Variants in MIPOL1 observed in about 807,000 individuals in gnomAD.
The protein encoded by MIPOL1 is mirror-image polydactyly gene 1 protein.
In MIPOL1, 57 loss-of-function variants were observed where a neutral mutation model predicts 60.9. The ratio of observed to expected loss-of-function variants is 0.94; its 90% CI spans 0.76 to 1.17. The LOEUF is 1.17. Among genes scored for constraint, MIPOL1 ranks in the 50% most tolerant of loss-of-function variants. The pLI, the probability that MIPOL1 is intolerant of heterozygous loss-of-function variation, is 0.00. For synonymous variants in MIPOL1, 179 were observed against 168.8 expected, an observed-to-expected ratio of 1.06 and a Z score of -0.47; for missense variants, 551 against 511.6, an observed-to-expected ratio of 1.08 and a Z score of -0.74.
intron 11 of MIPOL1, among the ~76,000 whole-genome samples, chr14:37,454,182 C>A (rs185252319): frequency 1.1e-3 from 167 of 152,316 alleles, no homozygotes; most frequent in Middle Eastern, 3.4e-3. Context: ...TATACTAGCT[C>A]TGCTCATGAC....
In MIPOL1 at chr14:37,404,786, T is replaced by A. The variant is rs146743923; in HGVS notation, c.937-18069T>A. On this transcript the variant is annotated intron_variant, in intron 10 of 12. Transcript: ENST00000684589. ...TAATTACTGCAGAGCAGCTGGCTGT[T>A]GGTTTTAGGGAGCATCAATTGTTCT... Among the ~76,000 whole-genome samples the A allele has an allele frequency of 5.8e-3, 884 of 152,266 alleles. 10 individuals are homozygous for A. Among genetic ancestry groups the A allele is most frequent in the African/African-American group, 0.02 (850 of 41,560 alleles).
chr14:37,293,926 T>A (rs2085347069), intron 7 of MIPOL1, among the ~76,000 whole-genome samples: 1 of 152,208 alleles, frequency 6.6e-6, no homozygotes, highest in Non-Finnish European at 1.5e-5. Context: ...CTCTGCAGAC[T>A]TTGAAGAGTC....
At chr14:37,323,339 A>C (rs1013388015) in intron 9 of MIPOL1, among the ~76,000 whole-genome samples, 1 of 151,686 alleles carries the variant, frequency 6.6e-6, no homozygotes, top group Non-Finnish European at 1.5e-5. Context: ...GTCTATATAT[A>C]TGTTTTGGTA....
At chr14:37,397,615 G>C (rs1164094991) in intron 10 of MIPOL1, among the ~76,000 whole-genome samples, 2 of 152,096 alleles carry the variant, frequency 1.3e-5, no homozygotes, top group Non-Finnish European at 2.9e-5. Context: ...CCCATCAGGT[G>C]GGGGCAGGGC....
intron 9 of MIPOL1, among the ~76,000 whole-genome samples, chr14:37,364,800 A>G (rs1283051987): frequency 6.6e-6 from 1 of 152,156 alleles, no homozygotes; most frequent in Non-Finnish European, 1.5e-5. Context: ...TTGAATCTGT[A>G]TATTGCTTTG....
At chr14:37,493,251 A>G (rs2095070759) in intron 11 of MIPOL1, among the ~76,000 whole-genome samples, 1 of 152,210 alleles carries the variant, frequency 6.6e-6, no homozygotes, top group East Asian at 1.9e-4. Flanking sequence ...GTTTAACATT[A>G]CAATTAAGAT....
At chr14:37,382,673 AT>A (rs1351681001) in intron 10 of MIPOL1, among the ~76,000 whole-genome samples, 2 of 151,956 alleles carry the variant, frequency 1.3e-5, no homozygotes, top group African/African-American at 2.4e-5. Context: ...AAATGACTTT[AT>A]TGTGTTGTTC....
At chr14:37,470,776 A>G (rs1425959512) in intron 11 of MIPOL1, among the ~76,000 whole-genome samples, 1 of 152,162 alleles carries the variant, frequency 6.6e-6, no homozygotes, top group Non-Finnish European at 1.5e-5. Context: ...GAAGCCCCCA[A>G]AGAAGACTGA....
intron 9 of MIPOL1, among the ~76,000 whole-genome samples, chr14:37,312,122 T>C (rs543571147): frequency 6.6e-6 from 1 of 152,272 alleles, no homozygotes; most frequent in East Asian, 1.9e-4. Flanking sequence ...TTTTACTTAC[T>C]CTGAGAATGG....
intron 8 of MIPOL1, 37 bp downstream of exon 8, chr14:37,308,126 C>T: frequency 6.3e-7 from 1 of 1,587,178 alleles, no homozygotes; most frequent in Non-Finnish European, 8.6e-7. Context: ...TGATGTCAGT[C>T]TTATATCTTA....
At chr14:37,495,677 C>G (rs1594721016) in intron 11 of MIPOL1, among the ~76,000 whole-genome samples, 2 of 130,332 alleles carry the variant, frequency 1.5e-5, no homozygotes, top group Admixed American at 1.6e-4. Flanking sequence ...AATGGTATTT[C>G]TAGTTCTAGA....
intron 1 of MIPOL1, among the ~76,000 whole-genome samples, chr14:37,200,664 GTT>G (rs559596328): frequency 1.8e-4 from 20 of 111,196 alleles, no homozygotes; most frequent in Admixed American, 2.7e-4. Context: ...TTCCCAGTTA[GTT>G]TTTTTTTTTT....
At chr14:37,364,720 C>T (rs902099602) in intron 9 of MIPOL1, among the ~76,000 whole-genome samples, 4 of 152,098 alleles carry the variant, frequency 2.6e-5, no homozygotes, top group African/African-American at 9.7e-5. Context: ...TCTTCTGGTT[C>T]CATATACATT....
chr14:37,488,797 C>T (rs1471010225), intron 11 of MIPOL1, among the ~76,000 whole-genome samples: 4 of 152,206 alleles, frequency 2.6e-5, no homozygotes, highest in Admixed American at 6.5e-5. Flanking sequence ...GGTTTTCTCC[C>T]GAGAGATCTG....
At chr14:37,360,012 G>T (rs1029581873) in intron 9 of MIPOL1, among the ~76,000 whole-genome samples, 1 of 152,092 alleles carries the variant, frequency 6.6e-6, no homozygotes, top group Non-Finnish European at 1.5e-5. Context: ...CTAGTTCATT[G>T]TGAGTTTTTA....
At chr14:37,445,402 A>T (rs1226980204) in intron 11 of MIPOL1, among the ~76,000 whole-genome samples, 8 of 152,120 alleles carry the variant, frequency 5.3e-5, no homozygotes, top group Non-Finnish European at 1.2e-4. Context: ...ACTACAAACC[A>T]CTGCTCAATG....
chr14:37,526,843 T>A (rs537427251), intron 12 of MIPOL1, among the ~76,000 whole-genome samples: 14 of 152,214 alleles, frequency 9.2e-5, no homozygotes, highest in African/African-American at 3.4e-4. Flanking sequence ...TTGACAAAAA[T>A]TGTCAAATTG....
intron 1 of MIPOL1, among the ~76,000 whole-genome samples, chr14:37,224,296 A>T (rs1381189316): frequency 1.3e-5 from 2 of 152,170 alleles, no homozygotes; most frequent in Non-Finnish European, 2.9e-5. Flanking sequence ...CCTGGGCAAC[A>T]TAGCAAGACC....
Position 37,274,409 on chromosome 14 carries a change from A to G in MIPOL1, c.493+3884A>G, listed in dbSNP as rs185982136. Among the ~76,000 whole-genome samples, 67 of 151,468 alleles carry G rather than the reference A, an allele frequency of 4.4e-4. 1 individual carries two copies. The highest frequency in any genetic ancestry group is 7.2e-4 in the Admixed American group (11 of 15,178). ...TTCTCACATCACCATCATTACTGTCATTGTCACCATCATTGATACTGTTTA... is the reference window on the plus strand; with the variant it reads ...TTCTCACATCACCATCATTACTGTCGTTGTCACCATCATTGATACTGTTTA... On this transcript the variant is annotated intron_variant, in intron 6 of 12. Transcript: ENST00000684589.
Sources: gnomAD v4.1 joint callset for allele counts (sites outside exome capture counted in the v4.1 genomes callset) on GRCh38, gnomAD v4.1.1 for gene constraint, MANE v1.5 for transcripts, NCBI Gene and HGNC (gene_info 2026-07-23, HGNC 2026-07-21) for gene names.